The following CASP8 variants were observed in gnomAD, a reference collection of about 807,000 sequenced individuals.
CASP8 encodes caspase 8.
In CASP8, 24 loss-of-function variants were observed where a neutral mutation model predicts 46.3. That is an observed-to-expected ratio of 0.52 (90% CI 0.38 to 0.73). The LOEUF is 0.73. Among genes scored for constraint, CASP8 ranks in the 30% least tolerant of loss-of-function variants. The pLI is 0.00. For synonymous variants in CASP8, 188 were observed against 200.4 expected (o/e 0.94, Z 0.52); for missense variants, 460 against 559.0 (o/e 0.82, Z 1.79).
chr2:201,248,317 A>G (rs1375050562), intron 2 of CASP8, among the ~76,000 whole-genome samples: 1 of 152,080 alleles, frequency 6.6e-6, no homozygotes, highest in East Asian at 1.9e-4. Flanking sequence ...GCCCCAGCAG[A>G]AGGGGGCTTT....
chr2:201,261,917 A>C (rs1947445980), intron 1 of CASP8: 1 of 152,206 alleles, frequency 6.6e-6, no homozygotes, highest in South Asian at 2.1e-4. Context: ...CATGTAATAC[A>C]GTGGTAGAAT....
intron 3 of CASP8, 140 bp downstream of exon 3, chr2:201,271,761 G>A (rs1004517989): frequency 1.6e-5 from 11 of 702,194 alleles, no homozygotes; most frequent in South Asian, 1.4e-4. Context: ...TTGTCAGCAC[G>A]AGTGTTACAG....
At chr2:201,253,544 A>T (rs1425456243) in intron 2 of CASP8, among the ~76,000 whole-genome samples, 1 of 152,048 alleles carries the variant, frequency 6.6e-6, no homozygotes, top group African/African-American at 2.4e-5. Context: ...CACTGTTATT[A>T]TATCATTAAA....
intron 2 of CASP8, chr2:201,243,011 T>C (rs1559329874): frequency 6.5e-6 from 1 of 152,844 alleles, no homozygotes; most frequent in Non-Finnish European, 1.5e-5. Flanking sequence ...TCTACTTACA[T>C]GTGGTATCTA....
upstream of CASP8, chr2:201,258,052 C>CTT (rs1947111221): frequency 8.8e-6 from 6 of 684,834 alleles, no homozygotes; most frequent in Non-Finnish European, 1.3e-5. Context: ...CTCTGTTCTG[C>CTT]TTTAGGAGTA....
chr2:201,237,249 C>T (rs1416955097), intron 2 of CASP8, among the ~76,000 whole-genome samples: 1 of 151,414 alleles, frequency 6.6e-6, no homozygotes, highest in Admixed American at 6.6e-5. Context: ...TGCCACCTTG[C>T]CCAGATAATT....
chr2:201,275,641 T>C (rs991284369), intron 6 of CASP8, among the ~76,000 whole-genome samples: 1 of 152,208 alleles, frequency 6.6e-6, no homozygotes, highest in African/African-American at 2.4e-5. Context: ...ACCCAAGTAA[T>C]GTGGTACTTT....
intron 7 of CASP8, 62 bp downstream of exon 7, chr2:201,277,030 A>T (rs745456878): frequency 5.6e-5 from 68 of 1,213,604 alleles, no homozygotes; most frequent in Non-Finnish European, 7.5e-5. Context: ...TTTTAAATCA[A>T]AAGGGAGAGA....
chr2:201,273,668 A>C (rs902298659), intron 5 of CASP8, among the ~76,000 whole-genome samples: 3 of 152,042 alleles, frequency 2.0e-5, no homozygotes, highest in Non-Finnish European at 4.4e-5. Context: ...AATTTTGATT[A>C]ATCAAATAGT....
chr2:201,275,120 CT>C (rs1948545850), intron 6 of CASP8, among the ~76,000 whole-genome samples, 167 bp downstream of exon 6: 3 of 150,730 alleles, frequency 2.0e-5, no homozygotes, highest in African/African-American at 7.3e-5. Context: ...AAAAATGTGA[CT>C]TAATTTTTAA....
At chr2:201,279,498 C>T (rs777143929) in intron 7 of CASP8, among the ~76,000 whole-genome samples, 18 of 152,150 alleles carry the variant, frequency 1.2e-4, no homozygotes, top group Non-Finnish European at 2.4e-4. Flanking sequence ...TGGAGGTTTC[C>T]TAATGAAATG....
chr2:201,252,826 G>A (rs765458640), intron 2 of CASP8, among the ~76,000 whole-genome samples: 16 of 152,076 alleles, frequency 1.1e-4, no homozygotes, highest in Non-Finnish European at 2.4e-4. Flanking sequence ...AGAAATAATT[G>A]CCTAATTCAT....
chr2:201,263,015 GA>G (rs2125106354), intron 1 of CASP8, among the ~76,000 whole-genome samples: 1 of 152,314 alleles, frequency 6.6e-6, no homozygotes, highest in East Asian at 1.9e-4. Flanking sequence ...ATTTGATGGG[GA>G]AACCACTTAA....
At chr2:201,256,872 G>A (rs1285883583), upstream of CASP8, among the ~76,000 whole-genome samples, 1 of 152,174 alleles carries the variant, frequency 6.6e-6, no homozygotes, top group African/African-American at 2.4e-5. Context: ...ATGGCTGGGC[G>A]CGCTGCCTCA....
intron 2 of CASP8, among the ~76,000 whole-genome samples, chr2:201,244,703 C>T (rs1173275608): frequency 6.6e-6 from 1 of 152,122 alleles, no homozygotes; most frequent in East Asian, 1.9e-4. Flanking sequence ...CAAAAAAATC[C>T]ATGCTCAGCA....
intron 2 of CASP8, among the ~76,000 whole-genome samples, chr2:201,244,821 G>A (rs1946442175): frequency 6.6e-6 from 1 of 152,106 alleles, no homozygotes; most frequent in South Asian, 2.1e-4. Flanking sequence ...TGAAGGGGGT[G>A]GGGGGCCCTT....
chr2:201,281,192 T>C (rs1185051482), intron 7 of CASP8, among the ~76,000 whole-genome samples: 3 of 152,048 alleles, frequency 2.0e-5, no homozygotes, highest in East Asian at 1.9e-4. Flanking sequence ...TGCGTGCCTG[T>C]AGTCCCACCT....
At chr2:201,258,420 AACC>A (rs775479709), upstream of CASP8, 1 of 1,612,936 alleles carries the variant, frequency 6.2e-7, no homozygotes, top group East Asian at 2.2e-5. Context: ...TTCAACAGGA[AACC>A]ACAATATTTT....
At chr2:201,251,288 G>A (rs979607364) in intron 2 of CASP8, among the ~76,000 whole-genome samples, 18 of 152,206 alleles carry the variant, frequency 1.2e-4, no homozygotes, top group African/African-American at 3.6e-4. Context: ...CGTGATTGCT[G>A]GATCTTGCGG....
Sources: gnomAD v4.1 joint callset for allele counts (sites outside exome capture counted in the v4.1 genomes callset) on GRCh38, gnomAD v4.1.1 for gene constraint, MANE v1.5 for transcripts, NCBI Gene and HGNC (gene_info 2026-07-23, HGNC 2026-07-21) for gene names.